The following HFM1 variants were observed in gnomAD, a reference collection of about 807,000 sequenced individuals.
HFM1 encodes probable ATP-dependent DNA helicase HFM1.
In HFM1, 169 loss-of-function variants were observed where a neutral mutation model predicts 192.1. That is an observed-to-expected ratio of 0.88 (90% CI 0.78 to 1.00). The LOEUF is 1.00. Among genes scored for constraint, HFM1 ranks in the 50% least tolerant of loss-of-function variants. HFM1 has a pLI of 0.00. For synonymous variants in HFM1, 525 were observed against 537.8 expected, an observed-to-expected ratio of 0.98 and a Z score of 0.33; for missense variants, 1,661 against 1,668.0, an observed-to-expected ratio of 1.00 and a Z score of 0.07.
At chr1:91,304,729 T>C (rs1271759003) in intron 30 of HFM1, among the ~76,000 whole-genome samples, 1 of 151,524 alleles carries the variant, frequency 6.6e-6, no homozygotes, top group East Asian at 1.9e-4. Context: ...TCCACCCACC[T>C]CAGCCTCCCA....
At chr1:91,387,930 T>TA (rs1662446442) in intron 4 of HFM1, among the ~76,000 whole-genome samples, 4 of 92,904 alleles carry the variant, frequency 4.3e-5, no homozygotes, top group African/African-American at 7.9e-5. Context: ...AAAAAAAAAA[T>TA]TAAAAAAAAA....
chr1:91,284,983 C>A (rs1667805795), intron 30 of HFM1, among the ~76,000 whole-genome samples: 1 of 152,086 alleles, frequency 6.6e-6, no homozygotes, highest in South Asian at 2.1e-4. Flanking sequence ...ATCATGGGGG[C>A]AGTTTCCCCC....
chr1:91,363,565 A>G (rs1282597866), intron 13 of HFM1, among the ~76,000 whole-genome samples: 4 of 152,092 alleles, frequency 2.6e-5, no homozygotes, highest in Admixed American at 2.6e-4. Flanking sequence ...TGCAGAGAAA[A>G]AGGAACGCTT....
intron 13 of HFM1, among the ~76,000 whole-genome samples, chr1:91,360,478 T>C (rs1658349580): frequency 6.6e-6 from 1 of 152,164 alleles, no homozygotes; most frequent in Non-Finnish European, 1.5e-5. Flanking sequence ...AAGGGATCAA[T>C]GCAACAAGAA....
chr1:91,404,615 C>G (rs931137153), intron 1 of HFM1, 183 bp downstream of exon 1: 2 of 259,338 alleles, frequency 7.7e-6, no homozygotes, highest in Admixed American at 1.2e-4. Flanking sequence ...GAGGCGCTGG[C>G]GCGGGCCGGC....
chr1:91,263,418 G>T (rs1303626409), intron 36 of HFM1, among the ~76,000 whole-genome samples: 1 of 151,988 alleles, frequency 6.6e-6, no homozygotes, highest in Non-Finnish European at 1.5e-5. Context: ...TATATACATG[G>T]CAAGGAATTA....
chr1:91,316,318 A>C, intron 26 of HFM1, 73 bp downstream of exon 26: 1 of 1,060,992 alleles, frequency 9.4e-7, no homozygotes, highest in Non-Finnish European at 1.4e-6. Flanking sequence ...TATGAGAAGG[A>C]AAATAACTTT....
chr1:91,278,533 A>G (rs12143891), intron 30 of HFM1, among the ~76,000 whole-genome samples: 20,081 of 152,176 alleles, frequency 0.13, 1,512 homozygotes, highest in African/African-American at 0.19. Context: ...TTTTAAGTGA[A>G]CCAGAAATGT....
chr1:91,407,356 GA>G (rs1031691402), upstream of HFM1, among the ~76,000 whole-genome samples: 1,477 of 143,450 alleles, frequency 0.01, 11 homozygotes, highest in Middle Eastern at 0.014. Flanking sequence ...TAAAGTATAA[GA>G]AAAAAAAAAA....
At chr1:91,297,133 CAGG>C (rs1350641606) in intron 30 of HFM1, among the ~76,000 whole-genome samples, 1 of 152,198 alleles carries the variant, frequency 6.6e-6, no homozygotes, top group African/African-American at 2.4e-5. Flanking sequence ...AACGGCACAC[CAGG>C]AGATTATATC....
intron 20 of HFM1, among the ~76,000 whole-genome samples, chr1:91,326,684 T>G (rs1652961181): frequency 6.6e-6 from 1 of 152,180 alleles, no homozygotes; most frequent in Non-Finnish European, 1.5e-5. Flanking sequence ...AGTACAAAAC[T>G]CACTGGTTAT....
chr1:91,272,136 T>G (rs927033828), intron 34 of HFM1, among the ~76,000 whole-genome samples: 6 of 152,128 alleles, frequency 3.9e-5, no homozygotes, highest in Admixed American at 3.3e-4. Context: ...CACCAAAGAC[T>G]AATATGTGAA....
At chr1:91,401,685 A>G (rs1018355010) in intron 1 of HFM1, among the ~76,000 whole-genome samples, 2 of 152,190 alleles carry the variant, frequency 1.3e-5, no homozygotes, top group Non-Finnish European at 2.9e-5. Context: ...GTTCATTATA[A>G]TATTTTTTCA....
chr1:91,311,277 AT>A (rs1650402656), intron 30 of HFM1, among the ~76,000 whole-genome samples: 1 of 152,106 alleles, frequency 6.6e-6, no homozygotes, highest in Admixed American at 6.6e-5. Context: ...GGTGGAAAAA[AT>A]TTCTAAGCAG....
In HFM1 at chr1:91,385,730, T is replaced by C; in HGVS notation, c.599A>G (p.Lys200Arg). 6.2e-7 allele frequency: 1 copy of C among 1,613,084 alleles called. No homozygotes were observed. The highest frequency in any genetic ancestry group is 1.3e-5 in the African/African-American group (1 of 75,028). The change falls in exon 5 of 39, where the codon AAA becomes AGA. Residue 200 changes from lysine to arginine, a missense_variant. Coordinates refer to ENST00000370425, the MANE Select transcript of HFM1 (RefSeq NM_001017975.6). Reference protein sequence around the residue: ...SVKIVQTEMNKGKSRNYSNSK... With the variant: ...SVKIVQTEMNRGKSRNYSNSK... The stretch of plus-strand genomic sequence containing the variant: ...ATTGCTATAGTTCCTTGATTTCCCT[T>C]TGTTCATTTCTGTTTGTACAATTTT...
At chr1:91,362,222 G>A (rs945635697) in intron 13 of HFM1, among the ~76,000 whole-genome samples, 6 of 152,096 alleles carry the variant, frequency 3.9e-5, no homozygotes, top group Admixed American at 2.0e-4. Flanking sequence ...AGAAATACAG[G>A]TATTTAAATA....
chr1:91,372,316 T>C (rs1315464238), intron 13 of HFM1, among the ~76,000 whole-genome samples: 3 of 152,268 alleles, frequency 2.0e-5, no homozygotes, highest in South Asian at 2.1e-4. Context: ...CTATTCACAA[T>C]AGCAAAGACT....
intron 30 of HFM1, among the ~76,000 whole-genome samples, chr1:91,309,332 C>T (rs536175958): frequency 5.3e-5 from 8 of 152,208 alleles, no homozygotes; most frequent in Non-Finnish European, 1.2e-4. Context: ...ATATTTAGTG[C>T]TTGTTTTGTA....
At chr1:91,368,924 AC>A (rs1392158342) in intron 13 of HFM1, among the ~76,000 whole-genome samples, 1 of 152,198 alleles carries the variant, frequency 6.6e-6, no homozygotes, top group African/African-American at 2.4e-5. Context: ...CAAATGGAAA[AC>A]AAAAAAAGGC....
Sources: allele counts gnomAD v4.1 joint callset (sites outside exome capture counted in the v4.1 genomes callset), GRCh38; gene constraint gnomAD v4.1.1; transcripts MANE v1.5; gene names NCBI Gene and HGNC (gene_info 2026-07-23, HGNC 2026-07-21).